Variants in TNIK observed in about 807,000 individuals in gnomAD.
TNIK encodes TRAF2 and NCK interacting kinase, also known as TRAF2 and NCK-interacting protein kinase.
TNIK carries 49 observed loss-of-function variants against 191.3 expected under a neutral mutation model. The ratio of observed to expected loss-of-function variants is 0.26; its 90% CI spans 0.20 to 0.32. The LOEUF (loss-of-function observed/expected upper bound fraction) is 0.32. Among genes scored for constraint, TNIK ranks in the 10% least tolerant of loss-of-function variants. The pLI, the probability that TNIK is intolerant of heterozygous loss-of-function variation, is 1.00. For synonymous variants in TNIK, 594 were observed against 600.9 expected, an observed-to-expected ratio of 0.99 and a Z score of 0.17; for missense variants, 1,155 against 1,702.3, an observed-to-expected ratio of 0.68 and a Z score of 5.66.
intron 18 of TNIK, among the ~76,000 whole-genome samples, chr3:171,119,125 G>C (rs1173348714): frequency 6.6e-6 from 1 of 152,098 alleles, no homozygotes; most frequent in African/African-American, 2.4e-5. Context: ...TCAACAAGTG[G>C]GCAAAGGATA....
At chr3:171,225,463 A>G in intron 3 of TNIK, 2 of 408,400 alleles carry the variant, frequency 4.9e-6, no homozygotes, top group South Asian at 3.6e-5. Flanking sequence ...CAAGAGAATT[A>G]AGCCTAAATA....
At chr3:171,297,843 G>A (rs1400856886) in intron 2 of TNIK, among the ~76,000 whole-genome samples, 1 of 152,186 alleles carries the variant, frequency 6.6e-6, no homozygotes, top group Non-Finnish European at 1.5e-5. Context: ...GAAAGAAAAA[G>A]TATATAATGA....
In TNIK at chr3:171,128,869, G is replaced by A. The variant is rs751785315; in HGVS notation, c.1618C>T (p.Arg540Trp). The change falls in exon 16 of 33, where the codon CGG (arginine) becomes TGG (tryptophan). Residue 540 changes from arginine (R) to tryptophan (W), a missense_variant. This residue lies in a region of TNIK where 735 missense variants were observed against 848.0 expected (regional missense o/e 0.87). Transcript: ENST00000436636. ...KPAWAKEVEERSRLNRQSSPA... is the reference protein window; with the variant it reads ...KPAWAKEVEEWSRLNRQSSPA... ...GAACTTTGCCGGTTGAGCCTTGACC[G>A]TTCTTCTACCTACAACCCAAAAAAA... 2.6e-5 allele frequency: 36 copies of A among 1,396,706 alleles called. No individual in the cohort carries two copies. Among genetic ancestry groups the A allele is most frequent in the Middle Eastern group, 2.4e-4 (1 of 4,126 alleles). 86.5% of individuals were successfully genotyped at this position (1,396,706 alleles called of 1,614,324 possible).
At chr3:171,204,861 G>A (rs1026329702) in intron 4 of TNIK, among the ~76,000 whole-genome samples, 6 of 152,042 alleles carry the variant, frequency 3.9e-5, no homozygotes, top group Admixed American at 3.9e-4. Flanking sequence ...CTTGATTCTG[G>A]AATCAGACAG....
intron 2 of TNIK, among the ~76,000 whole-genome samples, chr3:171,299,040 G>C (rs1242232213): frequency 6.6e-6 from 1 of 152,130 alleles, no homozygotes; most frequent in Non-Finnish European, 1.5e-5. Flanking sequence ...AATTCCTCCT[G>C]AAATGAAGGA....
At chr3:171,437,806 T>C (rs543627420) in intron 1 of TNIK, among the ~76,000 whole-genome samples, 1 of 152,380 alleles carries the variant, frequency 6.6e-6, no homozygotes, top group Non-Finnish European at 1.5e-5. Flanking sequence ...GCTCACATGC[T>C]TCTTAAAAGC....
At chr3:171,127,145 T>C (rs745573081) in intron 16 of TNIK, among the ~76,000 whole-genome samples, 3 of 152,204 alleles carry the variant, frequency 2.0e-5, no homozygotes, top group Non-Finnish European at 4.4e-5. Context: ...TACAGTGCCT[T>C]CTAAATTACA....
chr3:171,084,532 A>T (rs949088364), intron 25 of TNIK, among the ~76,000 whole-genome samples: 3 of 152,188 alleles, frequency 2.0e-5, no homozygotes, highest in Admixed American at 1.3e-4. Context: ...TATTCATTAG[A>T]AAAACAGGCT....
At chr3:171,126,256 A>T (rs1728465512) in intron 16 of TNIK, 105 bp from the exon 17 acceptor site, 1 of 1,371,708 alleles carries the variant, frequency 7.3e-7, no homozygotes, top group South Asian at 1.7e-5. Flanking sequence ...AAGGGCACAA[A>T]AATTGGACTA....
chr3:171,188,699 T>C lies in TNIK; in HGVS notation c.639+3A>G. 1 of 1,613,220 alleles carries C rather than the reference T, an allele frequency of 6.2e-7. No homozygotes were observed. The highest frequency in any genetic ancestry group is 8.5e-7 in the Non-Finnish European group (1 of 1,179,322). ...GTTTTGAAACACGACAAAGAAGCCA[T>C]ACCTTGAAATCATATGTGGCATCTG... On this transcript the variant is annotated splice_donor_region_variant and intron_variant, in intron 7 of 32. Coordinates refer to ENST00000436636, the MANE Select transcript of TNIK (RefSeq NM_015028.4).
chr3:171,097,586 GT>G (rs1722893276), intron 22 of TNIK, among the ~76,000 whole-genome samples: 1 of 152,166 alleles, frequency 6.6e-6, no homozygotes, highest in Admixed American at 6.5e-5. Context: ...ACATCTGATG[GT>G]TTTATAAAGG....
intron 2 of TNIK, among the ~76,000 whole-genome samples, chr3:171,306,733 A>G (rs4455343): frequency 0.36 from 54,208 of 151,904 alleles, 10,308 homozygotes; most frequent in Non-Finnish European, 0.42. Context: ...AAATGTAAAT[A>G]CCACTAAAGC....
intron 4 of TNIK, among the ~76,000 whole-genome samples, chr3:171,201,102 C>G (rs1391121902): frequency 3.3e-5 from 5 of 152,052 alleles, no homozygotes; most frequent in African/African-American, 4.8e-5. Context: ...AAAAGGCACC[C>G]TAAGAAAATA....
intron 23 of TNIK, among the ~76,000 whole-genome samples, chr3:171,093,445 C>T (rs749128364): frequency 9.2e-5 from 14 of 152,076 alleles, no homozygotes; most frequent in African/African-American, 1.9e-4. Flanking sequence ...ATTTTTTATA[C>T]GAAATCCACT....
chr3:171,263,150 G>C (rs759518523), intron 2 of TNIK, among the ~76,000 whole-genome samples: 15 of 152,200 alleles, frequency 9.9e-5, no homozygotes, highest in Admixed American at 2.0e-4. Flanking sequence ...GGATAAACTT[G>C]AAGGTCTATT....
chr3:171,394,525 G>A (rs556320735), intron 1 of TNIK, among the ~76,000 whole-genome samples: 3 of 152,138 alleles, frequency 2.0e-5, no homozygotes, highest in Non-Finnish European at 4.4e-5. Context: ...GTTGTGCCTT[G>A]CACATTTCTG....
chr3:171,391,946 A>G lies in TNIK; in HGVS notation c.58-22261T>C, dbSNP rs796143194. On this transcript the variant is annotated intron_variant, in intron 1 of 32. Coordinates refer to ENST00000436636, the MANE Select transcript of TNIK (RefSeq NM_015028.4). ...TGTAGGACAATTTTTTTTGATGACC[A>G]TAAGATGTAAAGGACAATGCTTAGA... Among the ~76,000 whole-genome samples, 13 of 152,320 alleles carry G rather than the reference A, an allele frequency of 8.5e-5. 1 individual carries two copies. The highest frequency in any genetic ancestry group is 3.1e-4 in the African/African-American group (13 of 41,576).
intron 2 of TNIK, among the ~76,000 whole-genome samples, chr3:171,263,389 G>A (rs1747909056): frequency 6.6e-6 from 1 of 152,164 alleles, no homozygotes; most frequent in Non-Finnish European, 1.5e-5. Flanking sequence ...TTAAGGAAGG[G>A]CATTAGGAGA....
rs185691486 is a variant in TNIK at position 171,078,046 on chromosome 3, T to G, written c.3448+1472A>C. Reference sequence around the variant, plus strand: ...CCAGGCCACACTTATTCTGGGTCTATTGTATGTAAACTGTTTGTTATTTAT... The same window carrying G: ...CCAGGCCACACTTATTCTGGGTCTAGTGTATGTAAACTGTTTGTTATTTAT... On this transcript the variant is annotated intron_variant, in intron 28 of 32. Coordinates refer to ENST00000436636, the MANE Select transcript of TNIK (RefSeq NM_015028.4). Among the ~76,000 whole-genome samples the G allele has an allele frequency of 5.9e-5, 9 of 152,328 alleles. No homozygotes were observed. The East Asian group carries it at 1.7e-3, about 29-fold the overall frequency.
Sources: gnomAD v4.1 joint callset for allele counts (sites outside exome capture counted in the v4.1 genomes callset) on GRCh38, gnomAD v4.1.1 for gene constraint, gnomAD v4.1.1 regional missense constraint, MANE v1.5 for transcripts, NCBI Gene and HGNC (gene_info 2026-07-23, HGNC 2026-07-21) for gene names.